SIK3: variants seen among roughly 807,000 people sequenced by gnomAD.
SIK3 encodes the protein serine/threonine-protein kinase SIK3.
A neutral mutation model predicts 144.2 loss-of-function variants in SIK3; 28 were observed. That is an observed-to-expected ratio of 0.19 (90% CI 0.14 to 0.27). SIK3 has a LOEUF of 0.27. Ranked by LOEUF, SIK3 falls within the 10% of genes least tolerant of loss-of-function variation. The probability of loss-of-function intolerance (pLI) is 1.00; values close to 1 mark genes in which losing one functional copy is unlikely to be tolerated. For missense variants in SIK3, 1,319 were observed against 1,776.0 expected, an observed-to-expected ratio of 0.74 and a Z score of 4.62; for synonymous variants, 686 against 676.3, an observed-to-expected ratio of 1.01 and a Z score of -0.22.
chr11:116,916,104 C>T (rs1946619792), intron 4 of SIK3, among the ~76,000 whole-genome samples: 1 of 152,188 alleles, frequency 6.6e-6, no homozygotes, highest in Admixed American at 6.5e-5. Context: ...ACATGAATCT[C>T]TTGGAACACT....
chr11:117,025,587 C>T (rs1482012296), intron 1 of SIK3, among the ~76,000 whole-genome samples: 1 of 152,042 alleles, frequency 6.6e-6, no homozygotes, highest in Non-Finnish European at 1.5e-5. Flanking sequence ...TTTCACCACA[C>T]CCAGCTACTT....
intron 1 of SIK3, among the ~76,000 whole-genome samples, chr11:117,047,657 T>C (rs776095026): frequency 6.6e-6 from 1 of 152,162 alleles, no homozygotes; most frequent in Non-Finnish European, 1.5e-5. Flanking sequence ...ATTAAAATAG[T>C]TCAGGGCCAG....
At chr11:117,024,697 C>T (rs1334591974) in intron 1 of SIK3, among the ~76,000 whole-genome samples, 1 of 152,102 alleles carries the variant, frequency 6.6e-6, no homozygotes, top group Non-Finnish European at 1.5e-5. Context: ...CTCAGGAGTT[C>T]AAGACCAGCC....
In SIK3 at chr11:116,915,960, G is replaced by A. The variant is rs568806024; in HGVS notation, c.616+11259C>T. Among the ~76,000 whole-genome samples, 36 of 152,288 alleles carry A rather than the reference G, an allele frequency of 2.4e-4. No homozygotes were observed. The South Asian group carries it at 7.5e-3, about 32-fold the overall frequency. Reference sequence around the variant, plus strand: ...CCAAGTCATAAGCATGCTCATTAGCGCCCTGCCAGCAGGTAGACTCGATTT... The same window carrying A: ...CCAAGTCATAAGCATGCTCATTAGCACCCTGCCAGCAGGTAGACTCGATTT... On this transcript the variant is annotated intron_variant, in intron 4 of 24. Transcript: ENST00000445177.
At chr11:117,081,365 T>TGTAA (rs1954776494) in intron 1 of SIK3, among the ~76,000 whole-genome samples, 1 of 152,210 alleles carries the variant, frequency 6.6e-6, no homozygotes, top group Admixed American at 6.5e-5. Context: ...GGCTCACACC[T>TGTAA]GTAATCACAG....
At chr11:117,003,253 G>A (rs914810827) in intron 1 of SIK3, among the ~76,000 whole-genome samples, 6 of 152,158 alleles carry the variant, frequency 3.9e-5, no homozygotes, top group Non-Finnish European at 8.8e-5. Context: ...AATTGACCAA[G>A]CTGCATGTGC....
chr11:116,996,379 G>C (rs1950666317), intron 1 of SIK3, among the ~76,000 whole-genome samples: 1 of 152,094 alleles, frequency 6.6e-6, no homozygotes. Flanking sequence ...TTCATGTTAT[G>C]GCTTGATTAT....
intron 1 of SIK3, among the ~76,000 whole-genome samples, chr11:117,080,053 TA>T (rs1403497383): frequency 6.6e-6 from 1 of 151,722 alleles, no homozygotes; most frequent in African/African-American, 2.4e-5. Context: ...AAAACATTAA[TA>T]ATAATAATAA....
At chr11:116,963,624 T>C (rs1299541016) in intron 1 of SIK3, among the ~76,000 whole-genome samples, 1 of 152,212 alleles carries the variant, frequency 6.6e-6, no homozygotes, top group Non-Finnish European at 1.5e-5. Context: ...TTGGAGTCTA[T>C]GACATCCCTG....
At chr11:117,024,777 T>C (rs937922786) in intron 1 of SIK3, among the ~76,000 whole-genome samples, 5 of 152,086 alleles carry the variant, frequency 3.3e-5, no homozygotes, top group African/African-American at 1.2e-4. Context: ...GGCATGTGCC[T>C]GTAGTCCCAG....
chr11:117,024,916 C>T (rs1393098497), intron 1 of SIK3, among the ~76,000 whole-genome samples: 1 of 151,592 alleles, frequency 6.6e-6, no homozygotes, highest in African/African-American at 2.4e-5. Context: ...AAAAAAAAAT[C>T]ATCTAATGCA....
intron 3 of SIK3, among the ~76,000 whole-genome samples, chr11:116,940,455 T>G (rs766114787): frequency 9.9e-5 from 15 of 152,088 alleles, no homozygotes; most frequent in Admixed American, 9.8e-4. Context: ...GGTCTTGAAC[T>G]CCTGATCTCA....
intron 1 of SIK3, among the ~76,000 whole-genome samples, chr11:116,993,356 A>T (rs988490100): frequency 6.6e-6 from 1 of 152,220 alleles, no homozygotes; most frequent in Non-Finnish European, 1.5e-5. Context: ...TACATTCCTA[A>T]AATAGCTTAA....
chr11:117,015,352 G>A (rs998103923), intron 1 of SIK3, among the ~76,000 whole-genome samples: 1 of 151,964 alleles, frequency 6.6e-6, no homozygotes, highest in Non-Finnish European at 1.5e-5. Context: ...TGAAGAAATG[G>A]GAACTCACCT....
At position 117,098,135 on chromosome 11, in the gene SIK3, G is replaced by T; in HGVS notation, c.273+8C>A. 1.4e-6 allele frequency: 2 copies of T among 1,480,674 alleles called. No individual in the cohort carries two copies. The highest frequency in any genetic ancestry group is 1.8e-6 in the Non-Finnish European group (2 of 1,113,488). 91.7% of individuals were successfully genotyped at this position (1,480,674 alleles called of 1,614,324 possible). On this transcript the variant is annotated splice_region_variant and intron_variant, in intron 1 of 24. Coordinates refer to ENST00000445177, the MANE Select transcript of SIK3 (RefSeq NM_001366686.3). ...GCTCCGACTGCCGCCTGGCCCCTGC[G>T]CCGGTACCTTGGCCTTGGTGACGAG...
At chr11:116,928,227 T>C (rs1947390521) in intron 3 of SIK3, among the ~76,000 whole-genome samples, 1 of 152,248 alleles carries the variant, frequency 6.6e-6, no homozygotes, top group Non-Finnish European at 1.5e-5. Flanking sequence ...ATAATAGCAG[T>C]AGGTTTATAC....
At chr11:116,860,750 T>TCATCG (rs375816794) in intron 19 of SIK3, among the ~76,000 whole-genome samples, 6,238 of 140,450 alleles carry the variant, frequency 0.044, 218 homozygotes, top group African/African-American at 0.11. Flanking sequence ...TACCCACATC[T>TCATCG]TGAAGTGTAG....
intron 3 of SIK3, among the ~76,000 whole-genome samples, chr11:116,931,607 C>T (rs1273812473): frequency 6.6e-6 from 1 of 152,134 alleles, no homozygotes; most frequent in Non-Finnish European, 1.5e-5. Flanking sequence ...ATGAACCCAG[C>T]CTAGAAAAGG....
intron 1 of SIK3, among the ~76,000 whole-genome samples, chr11:116,966,420 A>T (rs754027763): frequency 6.6e-6 from 1 of 152,058 alleles, no homozygotes; most frequent in Non-Finnish European, 1.5e-5. Context: ...AAATAATAAG[A>T]ATAACAATAC....
Sources: allele counts gnomAD v4.1 joint callset (sites outside exome capture counted in the v4.1 genomes callset), GRCh38; gene constraint gnomAD v4.1.1; transcripts MANE v1.5; gene names NCBI Gene and HGNC (gene_info 2026-07-23, HGNC 2026-07-21).